SLTM: variants seen among roughly 807,000 people sequenced by gnomAD.
SLTM encodes the protein SAFB-like transcription modulator.
In SLTM, 43 loss-of-function variants were observed where a neutral mutation model predicts 134.6. The observed-to-expected ratio is 0.32, with a 90% CI of 0.25 to 0.41. The LOEUF (loss-of-function observed/expected upper bound fraction) is 0.41, where lower values mean the gene tolerates loss of function less well. Among genes scored for constraint, SLTM ranks in the 10% least tolerant of loss-of-function variants. The pLI is 1.00. For missense variants in SLTM, 1,055 were observed against 1,288.8 expected, an observed-to-expected ratio of 0.82 and a Z score of 2.78; for synonymous variants, 424 against 432.3, an observed-to-expected ratio of 0.98 and a Z score of 0.24.
At chr15:58,882,181 C>CCAAAAAAAAAAAAAAAAAAAAAAAAAAAA (rs753740342) in intron 20 of SLTM, among the ~76,000 whole-genome samples, 1 of 59,526 alleles carries the variant, frequency 1.7e-5, no homozygotes, top group Non-Finnish European at 3.1e-5. Context: ...GACTCTGTCT[C>CCAAAAAAAAAAAAAAAAAAAAAAAAAAAA]AAAAAAAAAA....
chr15:58,926,624 T>C lies in SLTM; in HGVS notation c.250+5732A>G, dbSNP rs1229153105. The stretch of plus-strand genomic sequence containing the variant: ...CTTTTCTGGATTACCTTTTTTTTTT[T>C]TTTTCTTTGAGTCAGGGTCTTGTTC... On this transcript the variant is annotated intron_variant, in intron 2 of 20. Transcript: ENST00000380516. Among the ~76,000 whole-genome samples, 38 of 151,852 alleles carry C rather than the reference T, an allele frequency of 2.5e-4. 1 individual carries two copies. Among genetic ancestry groups the C allele is most frequent in the Admixed American group, 2.5e-3 (38 of 15,248 alleles).
chr15:58,879,848 CA>C lies in SLTM; in HGVS notation c.*150del. The C allele has an allele frequency of 2.0e-6, 2 of 982,996 alleles. No homozygotes were observed. Among genetic ancestry groups the C allele is most frequent in the Non-Finnish European group, 1.4e-6 (1 of 705,508 alleles). 60.9% of individuals were successfully genotyped at this position (982,996 alleles called of 1,614,324 possible). A position where few individuals can be genotyped will look rare whatever the true frequency, so the allele number is the denominator to read the frequency against. On this transcript the variant is annotated 3_prime_UTR_variant, in exon 21 of 21. Transcript: ENST00000380516. ...AACAGAACTATTTAAACATCTTCTC[CA>C]AAATTGAGAAAAGCAATCATGTTAA...
chr15:58,883,788 T>C lies in SLTM; in HGVS notation c.2836-2A>G. 2 of 1,613,694 alleles carry C rather than the reference T, an allele frequency of 1.2e-6. No homozygotes were observed. Among genetic ancestry groups the C allele is most frequent in the Non-Finnish European group, 1.7e-6 (2 of 1,179,764 alleles). On this transcript the variant is annotated splice_acceptor_variant, in intron 19 of 20. Transcript: ENST00000380516. LOFTEE classifies it high-confidence loss of function. The stretch of plus-strand genomic sequence containing the variant: ...CACATGTCGCTCCTCAGGATAGTGC[T>C]AAAAGAATAGCATATGAAAAGTCAC...
rs2035457727 is a variant in SLTM, at chr15:58,901,104, T to G, written c.589+156A>C. 1.8e-5 allele frequency: 12 copies of G among 659,000 alleles called. 1 individual carries two copies. In the South Asian group the frequency reaches 2.2e-4, roughly 12 times the overall value. 40.8% of individuals were successfully genotyped at this position (659,000 alleles called of 1,614,324 possible). A position where few individuals can be genotyped will look rare whatever the true frequency, so the allele number is the denominator to read the frequency against. On this transcript the variant is annotated intron_variant, in intron 6 of 20. Transcript: ENST00000380516. ...TGTTCAAAAGAAAATTAAAACCAAT[T>G]GGAAAATAAAATCAAGATGCTAACT... is the stretch of plus-strand genomic sequence containing the variant.
chr15:58,925,850 T>C (rs2037416605), intron 2 of SLTM, among the ~76,000 whole-genome samples: 1 of 152,228 alleles, frequency 6.6e-6, no homozygotes, highest in Non-Finnish European at 1.5e-5. Context: ...ATTACCTTTC[T>C]ATTCTACCAG....
rs1217533228 is a variant in SLTM, at chr15:58,890,423, T to C, written c.1937A>G (p.Glu646Gly). Residue 646 changes from glutamate to glycine, a missense_variant, in exon 15 of 21, where the codon GAA (glutamate) becomes GGA (glycine). By Grantham distance (98) the Glu-to-Gly change is moderately conservative. Transcript: ENST00000380516. ...CCGTTCACGAATTATTCTAATGCGTTCTCGCTCTCGACGCTCTCTCTCTGC... is the reference window on the plus strand; with the variant it reads ...CCGTTCACGAATTATTCTAATGCGTCCTCGCTCTCGACGCTCTCTCTCTGC... ...EIAERERRER[E>G]RIRIIREREE... 6.2e-7 allele frequency: 1 copy of C among 1,614,056 alleles called. No homozygotes were observed.
At position 58,887,732 on chromosome 15, in the gene SLTM, G is replaced by A. The variant is rs557254103; in HGVS notation, c.2376-192C>T. ...ACTGAACTAAGTGTCTAGCCTAAAG[G>A]TTGGTTTTTTAGCATTCAGGAGAAA... On this transcript the variant is annotated intron_variant, in intron 17 of 20. Coordinates refer to ENST00000380516, the MANE Select transcript of SLTM (RefSeq NM_024755.4). 9 of 746,618 alleles carry A rather than the reference G, an allele frequency of 1.2e-5. No individual in the cohort carries two copies. In the East Asian group the frequency reaches 1.0e-3, roughly 86 times the overall value. 46.2% of individuals were successfully genotyped at this position (746,618 alleles called of 1,614,324 possible). A position where few individuals can be genotyped will look rare whatever the true frequency, so the allele number is the denominator to read the frequency against.
intron 20 of SLTM, among the ~76,000 whole-genome samples, chr15:58,882,413 G>A (rs1366041107): frequency 6.6e-6 from 1 of 152,126 alleles, no homozygotes; most frequent in African/African-American, 2.4e-5. Context: ...ACATGAAGCT[G>A]AAAGGAAACA....
At chr15:58,920,571 C>G (rs141372723) in intron 2 of SLTM, among the ~76,000 whole-genome samples, 3,978 of 151,200 alleles carry the variant, frequency 0.026, 173 homozygotes, top group African/African-American at 0.092. Flanking sequence ...TGCAGTGAGC[C>G]AAGATAGCAA....
At chr15:58,906,925 GA>G (rs2035903975) in intron 5 of SLTM, among the ~76,000 whole-genome samples, 1 of 152,200 alleles carries the variant, frequency 6.6e-6, no homozygotes, top group African/African-American at 2.4e-5. Context: ...GTTATTTAGT[GA>G]AAAGAATATC....
At chr15:58,886,827 A>G in intron 19 of SLTM, 148 bp downstream of exon 19, 1 of 973,586 alleles carries the variant, frequency 1.0e-6, no homozygotes. Flanking sequence ...TTCAGATTTT[A>G]AAAATTTAAA....
At chr15:58,916,018 T>C (rs964869597) in intron 3 of SLTM, among the ~76,000 whole-genome samples, 2 of 152,174 alleles carry the variant, frequency 1.3e-5, no homozygotes. Context: ...GCTTGTTCTA[T>C]AGCTGTAGTA....
At position 58,915,694 on chromosome 15, in the gene SLTM, G is replaced by A. The variant is rs545391537; in HGVS notation, c.315+1241C>T. On this transcript the variant is annotated intron_variant, in intron 3 of 20. Coordinates refer to ENST00000380516, the MANE Select transcript of SLTM (RefSeq NM_024755.4). ...TAACTCCTCAACAAAACATCTTTTG[G>A]GGGTGGGGTTGTGTCTGTGTGTGTG... is the stretch of plus-strand genomic sequence containing the variant. Among the ~76,000 whole-genome samples the A allele has an allele frequency of 5.3e-5, 8 of 152,114 alleles. No individual in the cohort carries two copies. In the South Asian group the frequency reaches 1.7e-3, roughly 32 times the overall value.
chr15:58,904,181 A>T (rs1022285958), intron 5 of SLTM, among the ~76,000 whole-genome samples: 7 of 149,986 alleles, frequency 4.7e-5, no homozygotes, highest in Admixed American at 6.6e-5. Context: ...TTTTTTTGAT[A>T]TTTTTTTTTG....
chr15:58,933,321 C>T (rs1595971205), intron 1 of SLTM, 83 bp downstream of exon 1: 3 of 1,440,926 alleles, frequency 2.1e-6, no homozygotes, highest in Non-Finnish European at 2.8e-6. Context: ...CTGCGGGCAG[C>T]CGGAGGCTGC....
intron 5 of SLTM, 57 bp from the exon 6 acceptor site, chr15:58,901,344 T>A: frequency 7.0e-7 from 1 of 1,422,926 alleles, no homozygotes; most frequent in Non-Finnish European, 9.8e-7. Flanking sequence ...TAGATTTTAG[T>A]AATAGTACAA....
chr15:58,910,195 A>C (rs993536604), intron 5 of SLTM, among the ~76,000 whole-genome samples: 13 of 152,246 alleles, frequency 8.5e-5, no homozygotes, highest in African/African-American at 2.9e-4. Flanking sequence ...ATAATGCAGA[A>C]GGGAGAAAGT....
chr15:58,893,100 T>C, intron 13 of SLTM, 40 bp from the exon 14 acceptor site: 1 of 1,529,980 alleles, frequency 6.5e-7, no homozygotes, highest in South Asian at 1.2e-5. Flanking sequence ...AATTAAAATA[T>C]TTTGGGGCTT....
intron 2 of SLTM, among the ~76,000 whole-genome samples, chr15:58,917,702 C>A (rs2036743466): frequency 6.6e-6 from 1 of 152,110 alleles, no homozygotes; most frequent in Admixed American, 6.6e-5. Context: ...CTTCTTTGCC[C>A]ATCTTCAAAA....
Sources: gnomAD v4.1 joint callset for allele counts (sites outside exome capture counted in the v4.1 genomes callset) on GRCh38, gnomAD v4.1.1 for gene constraint, MANE v1.5 for transcripts, NCBI Gene and HGNC (gene_info 2026-07-23, HGNC 2026-07-21) for gene names.